CERS4: variants seen among roughly 807,000 people sequenced by gnomAD.
The protein encoded by CERS4 is ceramide synthase 4, also known as LAG1 homolog, ceramide synthase 4.
In CERS4, 65 loss-of-function variants were observed where a neutral mutation model predicts 51.8. The ratio of observed to expected loss-of-function variants is 1.26; its 90% CI spans 1.03 to 1.54. The LOEUF is 1.54. Among genes scored for constraint, CERS4 ranks in the 40% most tolerant of loss-of-function variants. CERS4 has a pLI of 0.00. For missense variants in CERS4, 563 were observed against 500.4 expected (o/e 1.13, Z -1.19); for synonymous variants, 228 against 208.4 (o/e 1.09, Z -0.81).
At chr19:8,216,421 C>T (rs965490605) in intron 2 of CERS4, among the ~76,000 whole-genome samples, 2 of 150,832 alleles carry the variant, frequency 1.3e-5, no homozygotes, top group Non-Finnish European at 3.0e-5. Context: ...CACTGCCTGA[C>T]TCCTCATTCC....
intron 8 of CERS4, 50 bp from the exon 9 acceptor site, chr19:8,256,899 A>G (rs1358567637): frequency 6.2e-7 from 1 of 1,612,858 alleles, no homozygotes; most frequent in African/African-American, 1.3e-5. Flanking sequence ...AGGGTGGGGG[A>G]CCTTCCAGCA....
At chr19:8,238,149 C>T (rs955816528) in intron 2 of CERS4, among the ~76,000 whole-genome samples, 7 of 152,170 alleles carry the variant, frequency 4.6e-5, no homozygotes, top group African/African-American at 1.7e-4. Flanking sequence ...CGGACCTCCC[C>T]ACTTTACTCT....
intron 2 of CERS4, among the ~76,000 whole-genome samples, chr19:8,243,194 TAAAAAAAAAAAAAAAAAA>T (rs56754017): frequency 1.7e-5 from 1 of 59,866 alleles, no homozygotes; most frequent in African/African-American, 6.8e-5. Context: ...ACCCTGTCTC[TAAAAAAAAAAAAAAAAAA>T]AAAAAAAAAA....
Position 8,235,054 on chromosome 19 carries a change from A to G in CERS4, c.-1-16022A>G, listed in dbSNP as rs185811590. Among the ~76,000 whole-genome samples, 1,004 of 128,194 alleles carry G rather than the reference A, an allele frequency of 7.8e-3. 9 individuals carry two copies. Among genetic ancestry groups the G allele is most frequent in the African/African-American group, 0.03 (932 of 31,376 alleles). The allele number at this position is 128,194 out of a possible 152,430, so 84.1% of individuals were successfully genotyped here. A position where few individuals can be genotyped will look rare whatever the true frequency, so the allele number is the denominator to read the frequency against. ...ACAGAGTTTCACTCTTGTTGCCCAG[A>G]CTGGAGTGCAATGGCAGGATCTCGG... On this transcript the variant is annotated intron_variant, in intron 2 of 11. Transcript: ENST00000251363.
At chr19:8,258,882 C>T (rs1969532225) in intron 10 of CERS4, among the ~76,000 whole-genome samples, 1 of 151,294 alleles carries the variant, frequency 6.6e-6, no homozygotes, top group South Asian at 2.1e-4. Flanking sequence ...GCCTGTCATC[C>T]CAGCACTTTG....
intron 3 of CERS4, among the ~76,000 whole-genome samples, chr19:8,253,268 A>ACAGCCC (rs1350479293): frequency 6.6e-6 from 1 of 152,146 alleles, no homozygotes; most frequent in Non-Finnish European, 1.5e-5. Flanking sequence ...TGGAGCGGGA[A>ACAGCCC]CAGCCCCAGC....
intron 3 of CERS4, 68 bp from the exon 4 acceptor site, chr19:8,254,431 C>T: frequency 6.9e-7 from 1 of 1,458,050 alleles, no homozygotes; most frequent in Non-Finnish European, 9.6e-7. Context: ...GGCAGCATGT[C>T]TGCCCCCACA....
chr19:8,257,209 T>C, intron 9 of CERS4, 132 bp downstream of exon 9: 1 of 948,530 alleles, frequency 1.1e-6, no homozygotes, highest in South Asian at 1.6e-5. Flanking sequence ...TCTCGGGTGA[T>C]GAGGCCCTGC....
At chr19:8,237,570 G>T (rs1233187713) in intron 2 of CERS4, among the ~76,000 whole-genome samples, 2 of 151,354 alleles carry the variant, frequency 1.3e-5, no homozygotes, top group Non-Finnish European at 2.9e-5. Flanking sequence ...AAAAAAGTAG[G>T]CCAGGCATGG....
At chr19:8,248,434 A>C (rs12986087) in intron 2 of CERS4, among the ~76,000 whole-genome samples, 6,169 of 151,926 alleles carry the variant, frequency 0.041, 153 homozygotes, top group African/African-American at 0.053. Flanking sequence ...CACACAAGTG[A>C]GTGATGGATG....
chr19:8,251,378 G>C (rs1347549431), intron 3 of CERS4, 129 bp downstream of exon 3: 1 of 1,411,548 alleles, frequency 7.1e-7, no homozygotes, highest in East Asian at 2.7e-5. Context: ...CGCGTTCCCT[G>C]GCTCCAGCCT....
intron 7 of CERS4, 50 bp downstream of exon 7, chr19:8,256,336 C>T (rs546651028): frequency 6.3e-7 from 1 of 1,595,302 alleles, no homozygotes; most frequent in Non-Finnish European, 8.6e-7. Context: ...GCGATGATCA[C>T]AGTTGCTGCA....
Position 8,255,867 on chromosome 19 carries a change from G to T in CERS4, c.456G>T (p.Ser152=). Residue 152 remains serine (S), a synonymous_variant, in exon 6 of 12, where the codon TCG becomes TCT. Coordinates refer to ENST00000251363, the MANE Select transcript of CERS4 (RefSeq NM_024552.3). ...FYLSSFVGGL[S]VLYHESWLWA... ...TGTCCTCCTTCGTGGGCGGCCTCTC[G>T]GTCCTGTACCACGTGAGTATACCAG... 6.2e-7 allele frequency: 1 copy of T among 1,613,858 alleles called. No individual in the cohort carries two copies.
At position 8,257,027 on chromosome 19, in the gene CERS4, A is replaced by G. The variant is rs1969425864; in HGVS notation, c.691A>G (p.Ile231Val). ...TFSYSANLLRIGSLVLLLHDS... is the reference protein window; with the variant it reads ...TFSYSANLLRVGSLVLLLHDS... ...CTCCTACAGTGCCAACCTGCTGCGC[A>G]TTGGCTCTCTGGTGCTGCTGTTACA... The change falls in exon 9 of 12, where the codon ATT (isoleucine) becomes GTT (valine). Residue 231 changes from isoleucine (I) to valine (V), a missense_variant. Transcript: ENST00000251363. 4 of 1,613,438 alleles carry G rather than the reference A, an allele frequency of 2.5e-6. No homozygotes were observed. The highest frequency in any genetic ancestry group is 3.4e-6 in the Non-Finnish European group (4 of 1,179,620).
chr19:8,238,109 C>A (rs1164533045), intron 2 of CERS4, among the ~76,000 whole-genome samples: 2 of 152,056 alleles, frequency 1.3e-5, no homozygotes, highest in Non-Finnish European at 2.9e-5. Context: ...CCTCCAACCC[C>A]CCAGAGACCA....
At chr19:8,240,486 C>T (rs979374070) in intron 2 of CERS4, 2 of 152,140 alleles carry the variant, frequency 1.3e-5, no homozygotes, top group African/African-American at 4.8e-5. Context: ...TTCCTTCCAG[C>T]ATGTCACGTG....
intron 2 of CERS4, among the ~76,000 whole-genome samples, chr19:8,211,556 T>C (rs970915916): frequency 3.7e-4 from 56 of 152,170 alleles, no homozygotes; most frequent in African/African-American, 1.2e-3. Context: ...AAACAGGCTA[T>C]TAAAATATCA....
At chr19:8,239,762 TAG>T (rs892302692) in intron 2 of CERS4, 37 of 152,290 alleles carry the variant, frequency 2.4e-4, no homozygotes, top group African/African-American at 6.7e-4. Context: ...GTTATTTTTC[TAG>T]AGAGTTTGAC....
chr19:8,231,536 C>T (rs62126395), intron 2 of CERS4, among the ~76,000 whole-genome samples: 6,449 of 151,960 alleles, frequency 0.042, 146 homozygotes, highest in South Asian at 0.058. Context: ...GGCTTTCCAT[C>T]TCTGGCTCTT....
Sources: gnomAD v4.1 joint callset for allele counts (sites outside exome capture counted in the v4.1 genomes callset) on GRCh38, gnomAD v4.1.1 for gene constraint, MANE v1.5 for transcripts, NCBI Gene and HGNC (gene_info 2026-07-23, HGNC 2026-07-21) for gene names.